The following CLSTN2 variants were observed in gnomAD, a reference collection of about 807,000 sequenced individuals.
The protein encoded by CLSTN2 is calsyntenin-2.
Under a neutral mutation model 101.2 loss-of-function variants are expected in CLSTN2, and 48 were observed. That is an observed-to-expected ratio of 0.47 (90% CI 0.38 to 0.60). The LOEUF is 0.60. CLSTN2 is among the 20% of genes least tolerant of loss of function. CLSTN2 has a pLI of 0.00. For missense variants in CLSTN2, 1,160 were observed against 1,238.2 expected (o/e 0.94, Z 0.95); for synonymous variants, 481 against 463.6 (o/e 1.04, Z -0.48).
chr3:140,124,717 T>C (rs2009402477), intron 1 of CLSTN2, among the ~76,000 whole-genome samples: 1 of 152,132 alleles, frequency 6.6e-6, no homozygotes, highest in African/African-American at 2.4e-5. Flanking sequence ...GGTGGAGATG[T>C]CAGTTTGGCA....
chr3:139,997,898 T>G (rs903195824), intron 1 of CLSTN2, among the ~76,000 whole-genome samples: 6 of 152,206 alleles, frequency 3.9e-5, no homozygotes, highest in Non-Finnish European at 8.8e-5. Context: ...TTCCTTTCTA[T>G]AAATGTGTTA....
intron 5 of CLSTN2, among the ~76,000 whole-genome samples, chr3:140,438,431 T>TAAAGAAAAAAAA (rs2088709942): frequency 2.2e-5 from 1 of 45,678 alleles, no homozygotes; most frequent in Non-Finnish European, 3.2e-5. Flanking sequence ...GTCCTTTCAT[T>TAAAGAAAAAAAA]AAAAAAAAAA....
chr3:140,464,219 C>T lies in CLSTN2; in HGVS notation c.1223-2391C>T, dbSNP rs563606895. Among the ~76,000 whole-genome samples the T allele has an allele frequency of 7.7e-4, 118 of 152,272 alleles. 1 individual carries two copies. Among genetic ancestry groups the T allele is most frequent in the African/African-American group, 2.7e-3 (114 of 41,550 alleles). ...CTAGGAGGAGGTTGGGGGATGAAGA[C>T]GTAGAACAAGAAGAATGAAAGATCT... On this transcript the variant is annotated intron_variant, in intron 7 of 16. Coordinates refer to ENST00000458420, the MANE Select transcript of CLSTN2 (RefSeq NM_022131.3).
At chr3:140,214,876 T>A (rs796896872) in intron 2 of CLSTN2, among the ~76,000 whole-genome samples, 1 of 152,234 alleles carries the variant, frequency 6.6e-6, no homozygotes, top group Non-Finnish European at 1.5e-5. Flanking sequence ...GTGCCATATA[T>A]TTTTGAAGTC....
intron 2 of CLSTN2, among the ~76,000 whole-genome samples, chr3:140,339,412 A>G (rs924549917): frequency 1.2e-4 from 18 of 152,182 alleles, no homozygotes; most frequent in African/African-American, 4.3e-4. Flanking sequence ...AAGAGTAATT[A>G]CAGGGATTTA....
intron 1 of CLSTN2, among the ~76,000 whole-genome samples, chr3:140,094,212 C>A (rs1289643866): frequency 2.0e-5 from 3 of 152,114 alleles, no homozygotes; most frequent in Admixed American, 6.5e-5. Context: ...CTAAAAACAT[C>A]TTTTTTCTAA....
At chr3:139,952,960 C>T (rs1361721012) in intron 1 of CLSTN2, among the ~76,000 whole-genome samples, 1 of 152,172 alleles carries the variant, frequency 6.6e-6, no homozygotes, top group African/African-American at 2.4e-5. Context: ...GAAACGGCCC[C>T]ATATTCTACC....
chr3:140,048,564 A>T (rs533009713), intron 1 of CLSTN2, among the ~76,000 whole-genome samples: 42 of 152,342 alleles, frequency 2.8e-4, no homozygotes, highest in African/African-American at 1.0e-3. Context: ...TATTGGGTAG[A>T]TATTCTTACT....
chr3:140,450,034 G>T (rs1933206754), intron 6 of CLSTN2: 2 of 152,306 alleles, frequency 1.3e-5, no homozygotes, highest in African/African-American at 2.4e-5. Context: ...AAAGCTGATG[G>T]AGGGGTGCTC....
At chr3:139,948,612 T>A (rs1385969861) in intron 1 of CLSTN2, among the ~76,000 whole-genome samples, 1 of 152,186 alleles carries the variant, frequency 6.6e-6, no homozygotes, top group Non-Finnish European at 1.5e-5. Context: ...GAAGTGTGAA[T>A]GAGGTGACTT....
intron 2 of CLSTN2, among the ~76,000 whole-genome samples, chr3:140,228,023 T>C (rs939389376): frequency 2.0e-5 from 3 of 152,182 alleles, no homozygotes; most frequent in African/African-American, 7.2e-5. Context: ...TTTCCCCCCT[T>C]GTCTTGGGGA....
intron 1 of CLSTN2, among the ~76,000 whole-genome samples, chr3:140,054,425 G>GA (rs199906366): frequency 2.7e-4 from 41 of 150,948 alleles, no homozygotes; most frequent in South Asian, 1.5e-3. Context: ...AGATATCTGT[G>GA]AAAAAAAAAT....
chr3:140,098,444 C>A (rs531162239), intron 1 of CLSTN2, among the ~76,000 whole-genome samples: 1 of 152,318 alleles, frequency 6.6e-6, no homozygotes, highest in African/African-American at 2.4e-5. Context: ...AAGCTGATTT[C>A]TCACCAGCTG....
In CLSTN2 at chr3:140,027,668, G is replaced by C. The variant is rs1035736; in HGVS notation, c.109+92185G>C. On this transcript the variant is annotated intron_variant, in intron 1 of 16. Coordinates refer to ENST00000458420, the MANE Select transcript of CLSTN2 (RefSeq NM_022131.3). ...CTGAGAACTGGAGTTCAGGTCTGCT[G>C]TCTGCTCATGAGTGAGCTTTGTGAC... Among the ~76,000 whole-genome samples, 622 of 152,272 alleles carry C rather than the reference G, an allele frequency of 4.1e-3. 8 individuals are homozygous for C. The highest frequency in any genetic ancestry group is 0.037 in the Admixed American group (562 of 15,300).
At chr3:140,562,743 C>T (rs1006953362) in intron 13 of CLSTN2, 68 bp from the exon 14 acceptor site, 6 of 1,551,254 alleles carry the variant, frequency 3.9e-6, no homozygotes, top group African/African-American at 2.7e-5. Context: ...CAAGCCCTGG[C>T]TTGTCTCCTC....
At chr3:140,368,424 G>A (rs774038522) in intron 2 of CLSTN2, among the ~76,000 whole-genome samples, 24 of 152,176 alleles carry the variant, frequency 1.6e-4, no homozygotes, top group Non-Finnish European at 3.1e-4. Context: ...GCCATTACAG[G>A]CTGGATGCGC....
At chr3:140,466,343 G>A (rs1576583637) in intron 7 of CLSTN2, among the ~76,000 whole-genome samples, 1 of 152,178 alleles carries the variant, frequency 6.6e-6, no homozygotes, top group Non-Finnish European at 1.5e-5. Flanking sequence ...TGCAGTATCT[G>A]AGTACAAGTT....
chr3:140,460,745 G>T (rs185182990), intron 7 of CLSTN2, among the ~76,000 whole-genome samples: 2 of 152,280 alleles, frequency 1.3e-5, no homozygotes, highest in Admixed American at 6.5e-5. Context: ...TATGCAAATT[G>T]TACAACTCTG....
intron 2 of CLSTN2, among the ~76,000 whole-genome samples, chr3:140,304,148 A>G (rs1011757): frequency 0.17 from 25,600 of 152,158 alleles, 2,522 homozygotes; most frequent in East Asian, 0.37. Flanking sequence ...CTATAACTAC[A>G]TGAAACTTCA....
Sources: gnomAD v4.1 joint callset for allele counts (sites outside exome capture counted in the v4.1 genomes callset) on GRCh38, gnomAD v4.1.1 for gene constraint, MANE v1.5 for transcripts, NCBI Gene and HGNC (gene_info 2026-07-23, HGNC 2026-07-21) for gene names.